Variants in DNAJC15 observed in about 807,000 individuals in gnomAD.
DNAJC15 encodes dnaJ homolog subfamily C member 15.
In DNAJC15, 27 loss-of-function variants were observed where a neutral mutation model predicts 22.4. The observed-to-expected ratio is 1.20, with a 90% CI of 0.89 to 1.66. The LOEUF (loss-of-function observed/expected upper bound fraction) is 1.66. DNAJC15 is among the 40% of genes most tolerant of loss of function. The pLI is 0.00. For synonymous variants in DNAJC15, 79 were observed against 63.2 expected, an observed-to-expected ratio of 1.25 and a Z score of -1.19; for missense variants, 208 against 187.1, an observed-to-expected ratio of 1.11 and a Z score of -0.65.
chr13:43,104,604 A>C (rs377069900), intron 5 of DNAJC15, among the ~76,000 whole-genome samples: 1 of 152,130 alleles, frequency 6.6e-6, no homozygotes, highest in Non-Finnish European at 1.5e-5. Context: ...TGAGTGTTCT[A>C]ATTAAATGGA....
chr13:43,075,847 A>G (rs1347115445), intron 3 of DNAJC15, among the ~76,000 whole-genome samples: 1 of 152,124 alleles, frequency 6.6e-6, no homozygotes, highest in Non-Finnish European at 1.5e-5. Flanking sequence ...TATCTTTAGT[A>G]GAGACGGGGT....
In DNAJC15 at chr13:43,114,035, TTGTAAGCAGAGATTTTTTAAAATCC is replaced by T. The variant is rs1299129918; in HGVS notation, c.*6788_*6812del. The stretch of plus-strand genomic sequence containing the variant: ...TTCTTGTTTGGGCTTTCGTTTCTTC[TTGTAAGCAGAGATTTTTTAAAATCC>T]AATATGTGAAAATACGGATGCACTA... On this transcript the variant is annotated 3_prime_UTR_variant, in exon 6 of 6. Coordinates refer to ENST00000379221, the MANE Select transcript of DNAJC15 (RefSeq NM_013238.3). 10 of 152,224 alleles carry T rather than the reference TTGTAAGCAGAGATTTTTTAAAATCC, an allele frequency of 6.6e-5. No homozygotes were observed. Among genetic ancestry groups the T allele is most frequent in the African/African-American group, 9.6e-5 (4 of 41,462 alleles). The allele number at this position is 152,224 out of a possible 1,614,324, so 9.4% of individuals were successfully genotyped here. A position where few individuals can be genotyped will look rare whatever the true frequency, so the allele number is the denominator to read the frequency against.
intron 1 of DNAJC15, among the ~76,000 whole-genome samples, chr13:43,044,255 C>A (rs1485809664): frequency 2.0e-5 from 3 of 152,122 alleles, no homozygotes; most frequent in African/African-American, 7.2e-5. Context: ...GTGATTAACC[C>A]TTGAGAATTA....
rs554011587 is a variant in DNAJC15, at chr13:43,109,129, G to T, written c.*1881G>T. 6.6e-6 allele frequency: 1 copy of T among 152,162 alleles called. No homozygotes were observed. The highest frequency in any genetic ancestry group is 6.5e-5 in the Admixed American group (1 of 15,270). The allele number at this position is 152,162 out of a possible 1,614,324, so 9.4% of individuals were successfully genotyped here. On this transcript the variant is annotated 3_prime_UTR_variant, in exon 6 of 6. Transcript: ENST00000379221. Reference sequence around the variant, plus strand: ...GCAGGCATTGTATCTGTCTTGTTTGGTGTTACATTGGCACCCAATAAATAT... The same window carrying T: ...GCAGGCATTGTATCTGTCTTGTTTGTTGTTACATTGGCACCCAATAAATAT...
chr13:43,038,642 A>G (rs2040439376), intron 1 of DNAJC15, among the ~76,000 whole-genome samples: 1 of 152,136 alleles, frequency 6.6e-6, no homozygotes, highest in Non-Finnish European at 1.5e-5. Flanking sequence ...AATACAAAAA[A>G]TTAGCCAGGC....
intron 1 of DNAJC15, among the ~76,000 whole-genome samples, chr13:43,062,960 C>T (rs1450295348): frequency 6.6e-6 from 1 of 151,868 alleles, no homozygotes; most frequent in African/African-American, 2.4e-5. Context: ...CTCAGGTAAT[C>T]CATCTACCTC....
At chr13:43,081,712 C>T (rs1248705651) in intron 4 of DNAJC15, among the ~76,000 whole-genome samples, 1 of 152,088 alleles carries the variant, frequency 6.6e-6, no homozygotes, top group East Asian at 1.9e-4. Flanking sequence ...GCTGGGATTA[C>T]AAGCAGAAGC....
At chr13:43,041,106 G>T (rs2040451763) in intron 1 of DNAJC15, among the ~76,000 whole-genome samples, 1 of 152,126 alleles carries the variant, frequency 6.6e-6, no homozygotes, top group African/African-American at 2.4e-5. Context: ...CGGGCTGGGG[G>T]ACGGTCAGGT....
At chr13:43,101,739 C>G (rs919858741) in intron 5 of DNAJC15, among the ~76,000 whole-genome samples, 5 of 152,184 alleles carry the variant, frequency 3.3e-5, no homozygotes, top group Non-Finnish European at 7.3e-5. Context: ...CCAATTCCAT[C>G]CAGATAGTTG....
At chr13:43,062,632 C>T (rs2040564227) in intron 1 of DNAJC15, among the ~76,000 whole-genome samples, 2 of 152,152 alleles carry the variant, frequency 1.3e-5, no homozygotes, top group Non-Finnish European at 2.9e-5. Flanking sequence ...ATTTTGGAGG[C>T]AACTATTTCA....
At position 43,065,676 on chromosome 13, in the gene DNAJC15, T is replaced by G. The variant is rs200765600; in HGVS notation, c.109-10T>G. On this transcript the variant is annotated splice_polypyrimidine_tract_variant and intron_variant, in intron 1 of 5. Coordinates refer to ENST00000379221, the MANE Select transcript of DNAJC15 (RefSeq NM_013238.3). The stretch of plus-strand genomic sequence containing the variant: ...TACATCATAAGTAATATTCATTTTT[T>G]CTTCCATAGGTAAGAAGTTTGATAG... The G allele has an allele frequency of 6.2e-7, 1 of 1,611,322 alleles. No individual in the cohort carries two copies. Among genetic ancestry groups the G allele is most frequent in the East Asian group, 2.2e-5 (1 of 44,770 alleles).
intron 1 of DNAJC15, among the ~76,000 whole-genome samples, chr13:43,026,603 G>C (rs946271600): frequency 1.3e-5 from 2 of 150,728 alleles, no homozygotes; most frequent in African/African-American, 4.9e-5. Flanking sequence ...GTAAATATTA[G>C]GAAAGAAAAA....
intron 5 of DNAJC15, among the ~76,000 whole-genome samples, chr13:43,098,184 T>C (rs959159760): frequency 6.6e-6 from 1 of 152,200 alleles, no homozygotes; most frequent in African/African-American, 2.4e-5. Context: ...TTATGTTCAC[T>C]GAGAAGAAAC....
rs75627037 is a variant in DNAJC15, at chr13:43,048,637, A to G, written c.109-17049A>G. Among the ~76,000 whole-genome samples, 110 of 152,330 alleles carry G rather than the reference A, an allele frequency of 7.2e-4. 3 individuals are homozygous for G. The East Asian group carries it at 0.02, about 27-fold the overall frequency. ...AATTTCTAAATTTGATGTAAGTAGA[A>G]TGTTAGGTTTTTGGTTTTTCTTACA... On this transcript the variant is annotated intron_variant, in intron 1 of 5. Coordinates refer to ENST00000379221, the MANE Select transcript of DNAJC15 (RefSeq NM_013238.3).
At chr13:43,038,010 T>C (rs2040436523) in intron 1 of DNAJC15, among the ~76,000 whole-genome samples, 1 of 152,234 alleles carries the variant, frequency 6.6e-6, no homozygotes, top group Admixed American at 6.5e-5. Context: ...TGTTGATCCA[T>C]ATTTTACATG....
At position 43,111,691 on chromosome 13, in the gene DNAJC15, C is replaced by T. The variant is rs573805133; in HGVS notation, c.*4443C>T. ...TCCAAGTACACCAGCCAATTTCACA[C>T]AGTGGAACCATGCTGTCCTCGGGCA... is the stretch of plus-strand genomic sequence containing the variant. On this transcript the variant is annotated 3_prime_UTR_variant, in exon 6 of 6. Coordinates refer to ENST00000379221, the MANE Select transcript of DNAJC15 (RefSeq NM_013238.3). 27 of 152,300 alleles carry T rather than the reference C, an allele frequency of 1.8e-4. No individual in the cohort carries two copies. The highest frequency in any genetic ancestry group is 1.8e-3 in the Admixed American group (27 of 15,292). The allele number at this position is 152,300 out of a possible 1,614,324, so 9.4% of individuals were successfully genotyped here.
At chr13:43,085,510 C>A (rs1028546364) in intron 4 of DNAJC15, among the ~76,000 whole-genome samples, 3 of 152,042 alleles carry the variant, frequency 2.0e-5, no homozygotes, top group African/African-American at 7.3e-5. Context: ...ACTCCCCTAA[C>A]CTATATGTTG....
intron 4 of DNAJC15, among the ~76,000 whole-genome samples, chr13:43,083,429 A>G (rs1412888118): frequency 6.6e-6 from 1 of 152,184 alleles, no homozygotes; most frequent in Non-Finnish European, 1.5e-5. Flanking sequence ...AGCCTCCCAA[A>G]GTGCTGGGAT....
chr13:43,066,832 G>T (rs1272303227), intron 2 of DNAJC15, among the ~76,000 whole-genome samples: 1 of 152,092 alleles, frequency 6.6e-6, no homozygotes, highest in African/African-American at 2.4e-5. Flanking sequence ...ATTTAGCCAG[G>T]ATGGTTTCGA....
Sources: gnomAD v4.1 joint callset for allele counts (sites outside exome capture counted in the v4.1 genomes callset) on GRCh38, gnomAD v4.1.1 for gene constraint, MANE v1.5 for transcripts, NCBI Gene and HGNC (gene_info 2026-07-23, HGNC 2026-07-21) for gene names.